Variants in OR51I2 observed in about 807,000 individuals in gnomAD.
The protein encoded by OR51I2 is olfactory receptor family 51 subfamily I member 2.
In OR51I2, 6 loss-of-function variants were observed where a neutral mutation model predicts 9.3. The ratio of observed to expected loss-of-function variants is 0.64; its 90% CI spans 0.35 to 1.27. The LOEUF (loss-of-function observed/expected upper bound fraction) is 1.27. Ranked by LOEUF, OR51I2 falls within the 50% of genes most tolerant of loss-of-function variation. OR51I2 has a pLI of 0.03. For missense variants in OR51I2, 489 were observed against 396.4 expected (o/e 1.23, Z -1.98); for synonymous variants, 179 against 143.1 (o/e 1.25, Z -1.79).
chr11:5,454,344 G>A lies in OR51I2; in HGVS notation c.856G>A (p.Val286Met). ...MSNVYLFVPP[V>M]LNPLIYSAKT... is the part of the protein sequence containing the mutation. Reference sequence around the variant, plus strand: ...AAATGTGTACCTATTTGTGCCTCCTGTGCTCAACCCTCTCATTTATAGCGC... The same window carrying A: ...AAATGTGTACCTATTTGTGCCTCCTATGCTCAACCCTCTCATTTATAGCGC... The change falls in exon 2 of 2, where the codon GTG becomes ATG. Residue 286 changes from valine (V) to methionine (M), a missense_variant. Val to Met is a conservative substitution (Grantham distance 21). Coordinates refer to ENST00000641930, the MANE Select transcript of OR51I2 (RefSeq NM_001004754.3). 3 of 1,614,048 alleles carry A rather than the reference G, an allele frequency of 1.9e-6. No homozygotes were observed. The highest frequency in any genetic ancestry group is 2.5e-6 in the Non-Finnish European group (3 of 1,180,034).
chr11:5,451,412 G>T (rs888149143), intron 1 of OR51I2, among the ~76,000 whole-genome samples: 1 of 152,204 alleles, frequency 6.6e-6, no homozygotes, highest in Admixed American at 6.5e-5. Context: ...TATGAAGAAT[G>T]AGAGTGTAGT....
intron 1 of OR51I2, among the ~76,000 whole-genome samples, chr11:5,450,759 C>A (rs1258042218): frequency 2.0e-5 from 3 of 152,180 alleles, no homozygotes; most frequent in Non-Finnish European, 4.4e-5. Context: ...ACTTCGAAGA[C>A]CTTGGTAAGA....
At position 5,453,894 on chromosome 11, in the gene OR51I2, C is replaced by T. The variant is rs1458892310; in HGVS notation, c.406C>T (p.Leu136Phe). ...ICDPLRYATV[L>F]TTEVIAAMGL... is the part of the protein sequence containing the mutation. ...TGACCCCTTGCGCTATGCAACTGTGCTCACCACTGAAGTCATTGCTGCAAT... is the reference window on the plus strand; with the variant it reads ...TGACCCCTTGCGCTATGCAACTGTGTTCACCACTGAAGTCATTGCTGCAAT... Residue 136 changes from leucine to phenylalanine, a missense_variant, in exon 2 of 2, where the codon CTC becomes TTC. By Grantham distance (22) the Leu-to-Phe change is conservative. Coordinates refer to ENST00000641930, the MANE Select transcript of OR51I2 (RefSeq NM_001004754.3). 14 of 1,614,110 alleles carry T rather than the reference C, an allele frequency of 8.7e-6. No homozygotes were observed. The highest frequency in any genetic ancestry group is 1.2e-5 in the Non-Finnish European group (14 of 1,180,042).
Position 5,456,392 on chromosome 11 carries a change from T to C in OR51I2, c.*1965T>C, listed in dbSNP as rs1442151646. The C allele has an allele frequency of 6.6e-6, 1 of 152,058 alleles. No individual in the cohort carries two copies. The highest frequency in any genetic ancestry group is 1.5e-5 in the Non-Finnish European group (1 of 67,986). The allele number at this position is 152,058 out of a possible 1,614,324, so 9.4% of individuals were successfully genotyped here. A position where few individuals can be genotyped will look rare whatever the true frequency, so the allele number is the denominator to read the frequency against. ...CATGAGACAGATGCCATAAGAAAAA[T>C]GTAGGGCCACTCCTGCAGCTCTAAT... On this transcript the variant is annotated 3_prime_UTR_variant, in exon 2 of 2. Transcript: ENST00000641930.
chr11:5,454,825 C>T lies in OR51I2; in HGVS notation c.*398C>T, dbSNP rs1198856175. The T allele has an allele frequency of 6.2e-6, 1 of 160,084 alleles. No individual in the cohort carries two copies. The highest frequency in any genetic ancestry group is 1.4e-5 in the Non-Finnish European group (1 of 73,008). The allele number at this position is 160,084 out of a possible 1,614,324, so 9.9% of individuals were successfully genotyped here. A position where few individuals can be genotyped will look rare whatever the true frequency, so the allele number is the denominator to read the frequency against. On this transcript the variant is annotated 3_prime_UTR_variant, in exon 2 of 2. Coordinates refer to ENST00000641930, the MANE Select transcript of OR51I2 (RefSeq NM_001004754.3). ...ATATTCATACAAATCCTCTAAGACA[C>T]AGAGAATTAAGTTAATTCTTCAGCC...
At chr11:5,452,425 G>A (rs559884798) in intron 1 of OR51I2, among the ~76,000 whole-genome samples, 1 of 147,120 alleles carries the variant, frequency 6.8e-6, no homozygotes, top group East Asian at 2.1e-4. Context: ...AGAATGGCGT[G>A]AACCCGGGAG....
chr11:5,453,168 G>T, intron 1 of OR51I2, 91 bp from the exon 2 acceptor site: 1 of 195,712 alleles, frequency 5.1e-6, no homozygotes, highest in Non-Finnish European at 1.0e-5. Context: ...CAAAATATAT[G>T]CAAGTTGTAG....
intron 1 of OR51I2, among the ~76,000 whole-genome samples, chr11:5,452,259 C>G (rs894524402): frequency 2.6e-5 from 4 of 152,040 alleles, no homozygotes; most frequent in South Asian, 2.1e-4. Context: ...AATCCCAGCA[C>G]TTTGGGAGGC....
rs1850887320 is a variant in OR51I2 at position 5,453,400 on chromosome 11, C to A, written c.-89C>A. Reference sequence around the variant, plus strand: ...ACATCATCGCTTTGTCTCTTATCTCCTGATTTCTTGTCCTCCAGCAAGTGC... The same window carrying A: ...ACATCATCGCTTTGTCTCTTATCTCATGATTTCTTGTCCTCCAGCAAGTGC... On this transcript the variant is annotated 5_prime_UTR_variant, in exon 2 of 2. In the 5' UTR this introduces an upstream ATG that the reference lacks. Transcript: ENST00000641930. 3 of 923,622 alleles carry A rather than the reference C, an allele frequency of 3.2e-6. No homozygotes were observed. In the South Asian group the frequency reaches 6.1e-5, roughly 19 times the overall value. 57.2% of individuals were successfully genotyped at this position (923,622 alleles called of 1,614,324 possible). A position where few individuals can be genotyped will look rare whatever the true frequency, so the allele number is the denominator to read the frequency against.
In OR51I2 at chr11:5,455,258, T is replaced by C. The variant is rs1175936691; in HGVS notation, c.*831T>C. On this transcript the variant is annotated 3_prime_UTR_variant, in exon 2 of 2. Transcript: ENST00000641930. ...GGGGGAATTGTGGTAGGGGCACAAT[T>C]TCTATTTCTCTTTCCTTCTTGAGAT... 1.3e-5 allele frequency: 2 copies of C among 152,228 alleles called. No homozygotes were observed. Among genetic ancestry groups the C allele is most frequent in the East Asian group, 3.9e-4 (2 of 5,176 alleles). 9.4% of individuals were successfully genotyped at this position (152,228 alleles called of 1,614,324 possible).
intron 1 of OR51I2, among the ~76,000 whole-genome samples, 181 bp from the exon 2 acceptor site, chr11:5,453,078 C>T (rs924834885): frequency 6.6e-6 from 1 of 152,162 alleles, no homozygotes; most frequent in Admixed American, 6.5e-5. Flanking sequence ...TTTCCAAGTG[C>T]TACTGATAAC....
chr11:5,453,683 G>A lies in OR51I2; in HGVS notation c.195G>A (p.Met65Ile). ...AGCCCATGTACTACTTCCTGTCCAT[G>A]TTGTCCTTCAGTGATGTGGCCATAT... ...LHEPMYYFLSMLSFSDVAISM... is the reference protein window; with the variant it reads ...LHEPMYYFLSILSFSDVAISM... Residue 65 changes from methionine (M) to isoleucine (I), a missense_variant, in exon 2 of 2, where the codon ATG becomes ATA. By Grantham distance (10) the Met-to-Ile change is conservative. Transcript: ENST00000641930. The A allele has an allele frequency of 6.2e-7, 1 of 1,613,670 alleles. No homozygotes were observed. Among genetic ancestry groups the A allele is most frequent in the Non-Finnish European group, 8.5e-7 (1 of 1,179,784 alleles).
rs1850922054 is a variant in OR51I2, at chr11:5,454,464, A to G, written c.*37A>G. 1 of 1,498,042 alleles carries G rather than the reference A, an allele frequency of 6.7e-7. No individual in the cohort carries two copies. The highest frequency in any genetic ancestry group is 9.1e-7 in the Non-Finnish European group (1 of 1,098,552). The allele number at this position is 1,498,042 out of a possible 1,614,324, so 92.8% of individuals were successfully genotyped here. A position where few individuals can be genotyped will look rare whatever the true frequency, so the allele number is the denominator to read the frequency against. Reference sequence around the variant, plus strand: ...GGCTTTAGAATCTGTTATTTTGGCCATAGGCTCTCATCAGTAGCATCGTCA... The same window carrying G: ...GGCTTTAGAATCTGTTATTTTGGCCGTAGGCTCTCATCAGTAGCATCGTCA... On this transcript the variant is annotated 3_prime_UTR_variant, in exon 2 of 2. Coordinates refer to ENST00000641930, the MANE Select transcript of OR51I2 (RefSeq NM_001004754.3).
intron 1 of OR51I2, among the ~76,000 whole-genome samples, chr11:5,450,401 G>C: frequency 6.6e-6 from 1 of 151,862 alleles, no homozygotes; most frequent in East Asian, 1.9e-4. Context: ...ATAAATAAAT[G>C]AATTAATTAA....
Position 5,456,052 on chromosome 11 carries a change from G to C in OR51I2, c.*1625G>C, listed in dbSNP as rs987647080. On this transcript the variant is annotated 3_prime_UTR_variant, in exon 2 of 2. Coordinates refer to ENST00000641930, the MANE Select transcript of OR51I2 (RefSeq NM_001004754.3). ...CATGAAATAATAATTTTAATGCTTT[G>C]ATATTTTAGTTTCAAATATATACAA... The C allele has an allele frequency of 3.9e-5, 6 of 152,116 alleles. No individual in the cohort carries two copies. Among genetic ancestry groups the C allele is most frequent in the Non-Finnish European group, 5.9e-5 (4 of 68,024 alleles). 9.4% of individuals were successfully genotyped at this position (152,116 alleles called of 1,614,324 possible).
At position 5,453,961 on chromosome 11, in the gene OR51I2, CT is replaced by C. The variant is rs746699735; in HGVS notation, c.474del (p.Leu159PhefsTer26). ...AAARSFITLF[P>X]LPFLIKRLPI... ...GCTCGAAGCTTCATCACCCTTTTCC[CT>C]CTTCCCTTTCTTATTAAGAGGCTGC... On this transcript the variant is annotated frameshift_variant, in exon 2 of 2. Coordinates refer to ENST00000641930, the MANE Select transcript of OR51I2 (RefSeq NM_001004754.3). LOFTEE classifies it high-confidence loss of function. 232 of 1,614,004 alleles carry C rather than the reference CT, an allele frequency of 1.4e-4. No homozygotes were observed. The highest frequency in any genetic ancestry group is 1.5e-5 in the Non-Finnish European group (18 of 1,180,034).
At chr11:5,452,171 CTG>C (rs931107271) in intron 1 of OR51I2, among the ~76,000 whole-genome samples, 22 of 152,002 alleles carry the variant, frequency 1.4e-4, no homozygotes, top group Middle Eastern at 3.4e-3. Context: ...TCAGTGCAGA[CTG>C]AGAGTATGAG....
intron 1 of OR51I2, among the ~76,000 whole-genome samples, chr11:5,452,504 C>CAA (rs56677841): frequency 1.7e-4 from 12 of 69,186 alleles, no homozygotes; most frequent in African/African-American, 3.9e-4. Context: ...GACTCTGTCT[C>CAA]AAAAAAAAAA....
chr11:5,450,596 G>T (rs1850829845), intron 1 of OR51I2, among the ~76,000 whole-genome samples: 1 of 152,156 alleles, frequency 6.6e-6, no homozygotes, highest in African/African-American at 2.4e-5. Context: ...AGGAGAATTT[G>T]TGTTCAGCCT....
Sources: gnomAD v4.1 joint callset for allele counts (sites outside exome capture counted in the v4.1 genomes callset) on GRCh38, gnomAD v4.1.1 for gene constraint, MANE v1.5 for transcripts, NCBI Gene and HGNC (gene_info 2026-07-23, HGNC 2026-07-21) for gene names.